Variants in RALYL observed in about 807,000 individuals in gnomAD.
The protein encoded by RALYL is RNA-binding Raly-like protein.
In RALYL, 29 loss-of-function variants were observed where a neutral mutation model predicts 35.1. That is an observed-to-expected ratio of 0.83 (90% CI 0.61 to 1.13). RALYL has a LOEUF of 1.13. RALYL is among the 50% of genes most tolerant of loss of function. The probability of loss-of-function intolerance (pLI) is 0.00; values close to 1 mark genes in which losing one functional copy is unlikely to be tolerated. For missense variants in RALYL, 359 were observed against 360.4 expected (o/e 1.00, Z 0.03); for synonymous variants, 120 against 127.6 (o/e 0.94, Z 0.40).
intron 2 of RALYL, among the ~76,000 whole-genome samples, chr8:84,638,965 GACACACACACACACAC>G (rs60361195): frequency 8.6e-6 from 1 of 116,038 alleles, no homozygotes. Context: ...CACACACACA[GACACACACACACACAC>G]ACACACACAC....
intron 1 of RALYL, among the ~76,000 whole-genome samples, chr8:84,241,802 A>C (rs1416786280): frequency 2.0e-5 from 3 of 150,232 alleles, no homozygotes; most frequent in Non-Finnish European, 4.4e-5. Flanking sequence ...AAAAATCTGT[A>C]TGGAGGAGGT....
At chr8:84,285,868 T>C (rs1386109091) in intron 1 of RALYL, among the ~76,000 whole-genome samples, 1 of 152,132 alleles carries the variant, frequency 6.6e-6, no homozygotes, top group African/African-American at 2.4e-5. Flanking sequence ...TGGAAGTCAT[T>C]GGAGGATTTT....
At chr8:84,622,123 C>T (rs750414688) in intron 2 of RALYL, among the ~76,000 whole-genome samples, 2 of 152,026 alleles carry the variant, frequency 1.3e-5, no homozygotes, top group Non-Finnish European at 2.9e-5. Flanking sequence ...GAGAAGGAAA[C>T]AATTCAAGAC....
At chr8:84,732,683 T>TATATATATATACACACAC in intron 2 of RALYL, among the ~76,000 whole-genome samples, 64 of 133,252 alleles carry the variant, frequency 4.8e-4, no homozygotes, top group Non-Finnish European at 8.5e-4. Context: ...TATATATATA[T>TATATATATATACACACAC]ACACACACAC....
chr8:84,886,624 C>A (rs974615275), intron 7 of RALYL, among the ~76,000 whole-genome samples: 3 of 152,118 alleles, frequency 2.0e-5, no homozygotes, highest in Non-Finnish European at 4.4e-5. Flanking sequence ...ATACAATGAT[C>A]TAATTTATCG....
intron 2 of RALYL, among the ~76,000 whole-genome samples, chr8:84,692,568 G>A (rs1033977100): frequency 6.6e-6 from 1 of 151,972 alleles, no homozygotes; most frequent in African/African-American, 2.4e-5. Flanking sequence ...TATAGATTTA[G>A]TGAAATATCT....
chr8:84,266,995 A>G (rs372914684), intron 1 of RALYL, among the ~76,000 whole-genome samples: 1 of 151,790 alleles, frequency 6.6e-6, no homozygotes, highest in African/African-American at 2.4e-5. Flanking sequence ...GATGTGAGAA[A>G]CAAAGGGATA....
chr8:84,614,154 G>C (rs1183651523), intron 2 of RALYL, among the ~76,000 whole-genome samples: 1 of 151,562 alleles, frequency 6.6e-6, no homozygotes, highest in East Asian at 1.9e-4. Flanking sequence ...ATAATTAGTT[G>C]AAGCATATTG....
chr8:84,616,972 C>G (rs1426310819), intron 2 of RALYL, among the ~76,000 whole-genome samples: 2 of 149,810 alleles, frequency 1.3e-5, no homozygotes, highest in South Asian at 2.1e-4. Flanking sequence ...GGTACCAGTA[C>G]CATGCTGTTT....
At chr8:84,777,366 G>A (rs542957214) in intron 3 of RALYL, among the ~76,000 whole-genome samples, 51 of 152,248 alleles carry the variant, frequency 3.3e-4, no homozygotes, top group African/African-American at 1.2e-3. Flanking sequence ...TGAATACCAT[G>A]CCAGCAAGTG....
chr8:84,679,950 A>G, intron 2 of RALYL: 1 of 254,988 alleles, frequency 3.9e-6, no homozygotes, highest in Admixed American at 4.4e-5. Flanking sequence ...TGCTGCACCC[A>G]TTAACTCGTC....
chr8:84,405,032 A>T (rs1030823526), intron 1 of RALYL, among the ~76,000 whole-genome samples: 1 of 152,232 alleles, frequency 6.6e-6, no homozygotes, highest in African/African-American at 2.4e-5. Context: ...CCACAGGGTA[A>T]GCAAATTAGA....
At chr8:84,257,166 T>C (rs1014469897) in intron 1 of RALYL, among the ~76,000 whole-genome samples, 5 of 150,988 alleles carry the variant, frequency 3.3e-5, no homozygotes, top group Admixed American at 2.0e-4. Flanking sequence ...GAATTCGAGA[T>C]TTTTTTTAAA....
intron 1 of RALYL, among the ~76,000 whole-genome samples, chr8:84,428,572 C>T (rs752774288): frequency 9.2e-5 from 14 of 152,130 alleles, no homozygotes; most frequent in Non-Finnish European, 2.1e-4. Context: ...CTTTCCTTTA[C>T]CCTTTGTCAG....
chr8:84,794,502 C>T (rs1268024226), intron 3 of RALYL, among the ~76,000 whole-genome samples: 1 of 152,188 alleles, frequency 6.6e-6, no homozygotes, highest in Non-Finnish European at 1.5e-5. Context: ...CTTTACAAGT[C>T]TGGAACTGAG....
At chr8:84,498,179 A>G (rs748641097) in intron 1 of RALYL, among the ~76,000 whole-genome samples, 1 of 152,004 alleles carries the variant, frequency 6.6e-6, no homozygotes, top group African/African-American at 2.4e-5. Context: ...CCATGTATCA[A>G]CCAGTAGCTA....
At position 84,826,210 on chromosome 8, in the gene RALYL, GT is replaced by G. The variant is rs1829661557; in HGVS notation, c.365+21409del. Reference sequence around the variant, plus strand: ...AACTGTTGGGTACCATGCTCACTAGGTGATGGGATCAATCATACTCCAAACC... The same window carrying G: ...AACTGTTGGGTACCATGCTCACTAGGGATGGGATCAATCATACTCCAAACC... On this transcript the variant is annotated intron_variant, in intron 4 of 8. Transcript: ENST00000521268. Among the ~76,000 whole-genome samples, 15 of 150,032 alleles carry G rather than the reference GT, an allele frequency of 1.0e-4. No individual in the cohort carries two copies. In the South Asian group the frequency reaches 3.2e-3, roughly 32 times the overall value.
At chr8:84,862,540 C>A in intron 6 of RALYL, 87 bp downstream of exon 6, 3 of 1,090,864 alleles carry the variant, frequency 2.8e-6, no homozygotes, top group Non-Finnish European at 2.5e-6. Context: ...ATAAATTAAC[C>A]AGATAGTTAT....
At chr8:84,689,577 C>A (rs1303665983) in intron 2 of RALYL, among the ~76,000 whole-genome samples, 1 of 152,024 alleles carries the variant, frequency 6.6e-6, no homozygotes, top group Non-Finnish European at 1.5e-5. Context: ...ATTTATAGTC[C>A]TTTGGGTATA....
Sources: allele counts gnomAD v4.1 joint callset (sites outside exome capture counted in the v4.1 genomes callset), GRCh38; gene constraint gnomAD v4.1.1; transcripts MANE v1.5; gene names NCBI Gene and HGNC (gene_info 2026-07-23, HGNC 2026-07-21).